The following CBFA2T3 variants were observed in gnomAD, a reference collection of about 807,000 sequenced individuals.
CBFA2T3 encodes the protein transcriptional corepressor CBFA2T3.
A neutral mutation model predicts 58.6 loss-of-function variants in CBFA2T3; 31 were observed. The ratio of observed to expected loss-of-function variants is 0.53; its 90% CI spans 0.40 to 0.71. The LOEUF is 0.71. CBFA2T3 is among the 30% of genes least tolerant of loss of function. The probability of loss-of-function intolerance (pLI) is 0.00; values close to 1 mark genes in which losing one functional copy is unlikely to be tolerated. For missense variants in CBFA2T3, 1,076 were observed against 963.1 expected (o/e 1.12, Z -1.55); for synonymous variants, 531 against 421.9 (o/e 1.26, Z -3.17).
rs1256739041 is a variant in CBFA2T3, at chr16:88,876,016, G to A, written c.*960C>T. On this transcript the variant is annotated 3_prime_UTR_variant, in exon 12 of 12. Transcript: ENST00000268679. The stretch of plus-strand genomic sequence containing the variant: ...CAAACCCTCTGCACCCAAATATCCC[G>A]ACACCCACAAACAAAATCAGAACAG... 2 of 232,788 alleles carry A rather than the reference G, an allele frequency of 8.6e-6. No homozygotes were observed. Among genetic ancestry groups the A allele is most frequent in the African/African-American group, 2.2e-5 (1 of 45,220 alleles). The allele number at this position is 232,788 out of a possible 1,614,324, so 14.4% of individuals were successfully genotyped here. A position where few individuals can be genotyped will look rare whatever the true frequency, so the allele number is the denominator to read the frequency against.
chr16:88,884,073 C>T (rs1008387179), intron 7 of CBFA2T3: 5 of 152,294 alleles, frequency 3.3e-5, no homozygotes, highest in African/African-American at 1.2e-4. Context: ...AGCAACACCC[C>T]AACCAAAATA....
In CBFA2T3 at chr16:88,885,393, G is replaced by T; in HGVS notation, c.894-124C>A. ...AAAGAGGACACGTAAGGGCGAGACA[G>T]AAACACGGAGCAAAACACCAGCCCC... On this transcript the variant is annotated intron_variant, in intron 6 of 11. Coordinates refer to ENST00000268679, the MANE Select transcript of CBFA2T3 (RefSeq NM_005187.6). The surrounding 1 kb of genome is among the most constrained non-coding windows in gnomAD (Gnocchi z 5.3). 3.3e-6 allele frequency: 2 copies of T among 614,658 alleles called. No homozygotes were observed. Among genetic ancestry groups the T allele is most frequent in the Non-Finnish European group, 5.2e-6 (2 of 384,704 alleles). The allele number at this position is 614,658 out of a possible 1,614,324, so 38.1% of individuals were successfully genotyped here.
At chr16:88,935,178 C>G (rs1320943215) in intron 1 of CBFA2T3, among the ~76,000 whole-genome samples, 2 of 152,206 alleles carry the variant, frequency 1.3e-5, no homozygotes, top group African/African-American at 4.8e-5. Flanking sequence ...AGAGACCCAA[C>G]GCTGCCCCCG....
chr16:88,959,140 G>T (rs763230687), intron 1 of CBFA2T3, among the ~76,000 whole-genome samples: 1 of 152,188 alleles, frequency 6.6e-6, no homozygotes, highest in Admixed American at 6.5e-5. Flanking sequence ...GCGCTGAATC[G>T]TGTGCCCCCG....
intron 1 of CBFA2T3, among the ~76,000 whole-genome samples, chr16:88,926,097 T>C (rs1971077700): frequency 6.6e-6 from 1 of 152,136 alleles, no homozygotes; most frequent in Non-Finnish European, 1.5e-5. Flanking sequence ...GGTCTCACGT[T>C]CCCCACCTGT....
intron 1 of CBFA2T3, among the ~76,000 whole-genome samples, chr16:88,975,659 C>G (rs79128326): frequency 0.011 from 1,708 of 152,394 alleles, 31 homozygotes; most frequent in African/African-American, 0.037. Context: ...GTGGTGAGGT[C>G]CGGCCTTTGC....
chr16:88,920,160 C>T (rs1970864781), intron 1 of CBFA2T3, among the ~76,000 whole-genome samples: 1 of 152,230 alleles, frequency 6.6e-6, no homozygotes, highest in Admixed American at 6.5e-5. Context: ...GTCAGCTGAC[C>T]AGTGAAGCTT....
chr16:88,886,161 G>A lies in CBFA2T3; in HGVS notation c.712-19C>T, dbSNP rs1244166965. 1.3e-6 allele frequency: 2 copies of A among 1,511,828 alleles called. No individual in the cohort carries two copies. Among genetic ancestry groups the A allele is most frequent in the African/African-American group, 1.4e-5 (1 of 72,796 alleles). The allele number at this position is 1,511,828 out of a possible 1,614,324, so 93.7% of individuals were successfully genotyped here. ...GGTTTGCCTGTGGGGTGGGGAAGGA[G>A]GGCCTGGGTAGCATGCAGGGGTGCA... On this transcript the variant is annotated intron_variant, in intron 5 of 11. Coordinates refer to ENST00000268679, the MANE Select transcript of CBFA2T3 (RefSeq NM_005187.6).
chr16:88,899,956 GGAGGGCTCTTCCGAA>G (rs1567592144), intron 2 of CBFA2T3, among the ~76,000 whole-genome samples: 1 of 152,178 alleles, frequency 6.6e-6, no homozygotes, highest in Non-Finnish European at 1.5e-5. Flanking sequence ...GTACCAGACC[GGAGGGCTCTTCCGAA>G]GAGAGGGAAG....
At chr16:88,891,781 G>T in intron 5 of CBFA2T3, 101 bp downstream of exon 5, 1 of 798,364 alleles carries the variant, frequency 1.3e-6, no homozygotes. Flanking sequence ...GGCCACTTAA[G>T]CCCCTTCCCG....
intron 1 of CBFA2T3, among the ~76,000 whole-genome samples, chr16:88,902,131 C>T (rs1970122332): frequency 6.6e-6 from 1 of 152,242 alleles, no homozygotes; most frequent in Admixed American, 6.5e-5. Context: ...TGCTGCTGGT[C>T]TGGCCCTGGA....
chr16:88,951,531 C>G, intron 1 of CBFA2T3: 1 of 364,696 alleles, frequency 2.7e-6, no homozygotes, highest in South Asian at 2.1e-5. Flanking sequence ...ATTGCACCTG[C>G]AGTACAAAAT....
At chr16:88,900,296 C>T (rs922503924) in intron 2 of CBFA2T3, among the ~76,000 whole-genome samples, 1 of 152,266 alleles carries the variant, frequency 6.6e-6, no homozygotes, top group Non-Finnish European at 1.5e-5. Flanking sequence ...CCAACCAAGT[C>T]GGGAGGCTGA....
intron 1 of CBFA2T3, among the ~76,000 whole-genome samples, chr16:88,959,695 GGAGCA>G (rs1415498269): frequency 5.3e-5 from 8 of 152,194 alleles, no homozygotes; most frequent in Non-Finnish European, 1.0e-4. Flanking sequence ...AGAGAAAACG[GGAGCA>G]GGGCAGAGAC....
chr16:88,974,756 C>T (rs895300579), intron 1 of CBFA2T3, among the ~76,000 whole-genome samples: 41 of 152,234 alleles, frequency 2.7e-4, no homozygotes, highest in Non-Finnish European at 4.9e-4. Flanking sequence ...CAGGACCCCC[C>T]GCAGTTCCCA....
intron 1 of CBFA2T3, among the ~76,000 whole-genome samples, chr16:88,947,911 C>A (rs756701228): frequency 6.6e-6 from 1 of 152,036 alleles, no homozygotes; most frequent in Non-Finnish European, 1.5e-5. Flanking sequence ...GAGACCCTGT[C>A]TCAAAAATAA....
At chr16:88,927,255 G>A (rs549235401) in intron 1 of CBFA2T3, among the ~76,000 whole-genome samples, 70 of 152,346 alleles carry the variant, frequency 4.6e-4, no homozygotes, top group African/African-American at 1.6e-3. Context: ...CCAGGTCGAC[G>A]TGACAAGCCG....
At chr16:88,937,950 G>A (rs1038020996) in intron 1 of CBFA2T3, 2 of 152,294 alleles carry the variant, frequency 1.3e-5, no homozygotes, top group Non-Finnish European at 2.9e-5. Flanking sequence ...AACACTGGAT[G>A]CCATGTCTGT....
intron 1 of CBFA2T3, among the ~76,000 whole-genome samples, chr16:88,948,620 A>G (rs1030853179): frequency 2.6e-5 from 4 of 152,232 alleles, no homozygotes; most frequent in Non-Finnish European, 5.9e-5. Flanking sequence ...CCCCTGACTC[A>G]CATCGGCATC....
Sources: gnomAD v4.1 joint callset for allele counts (sites outside exome capture counted in the v4.1 genomes callset) on GRCh38, gnomAD v4.1.1 for gene constraint, Gnocchi (gnomAD v3.1) non-coding constraint, MANE v1.5 for transcripts, NCBI Gene and HGNC (gene_info 2026-07-23, HGNC 2026-07-21) for gene names.